MAN1A1: variants seen among roughly 807,000 people sequenced by gnomAD.
MAN1A1 encodes the protein mannosidase alpha class 1A member 1.
A neutral mutation model predicts 70.8 loss-of-function variants in MAN1A1; 29 were observed. The observed-to-expected ratio is 0.41, with a 90% CI of 0.31 to 0.56. The LOEUF is 0.56. Among genes scored for constraint, MAN1A1 ranks in the 20% least tolerant of loss-of-function variants. The pLI, the probability that MAN1A1 is intolerant of heterozygous loss-of-function variation, is 0.29. For missense variants in MAN1A1, 747 were observed against 841.3 expected (o/e 0.89, Z 1.39); for synonymous variants, 349 against 330.1 (o/e 1.06, Z -0.62).
rs748688045 is a variant in MAN1A1 at position 119,290,713 on chromosome 6, T to G, written c.867A>C (p.Leu289=). ...FEVNIRFVGG[L]LSAYYLSGEE... ...CTCCAGACAGATAGTAGGCTGAGAG[T>G]AGTCCACCAACAAAGCGTATATTTA... The change falls in exon 5 of 13, where the codon CTA becomes CTC. Residue 289 remains leucine (L), a synonymous_variant. Transcript: ENST00000368468. 1.2e-6 allele frequency: 2 copies of G among 1,611,094 alleles called. No individual in the cohort carries two copies. The highest frequency in any genetic ancestry group is 1.7e-6 in the Non-Finnish European group (2 of 1,178,226).
chr6:119,183,654 A>ACTG (rs1429559437), intron 11 of MAN1A1, among the ~76,000 whole-genome samples: 1 of 152,172 alleles, frequency 6.6e-6, no homozygotes, highest in Non-Finnish European at 1.5e-5. Context: ...CTCCATGGAA[A>ACTG]CTGCTCTAAG....
In MAN1A1 at chr6:119,222,326, A is replaced by ATT. The variant is rs35446116; in HGVS notation, c.993-17446_993-17445dup. 1.4e-3 allele frequency among the ~76,000 whole-genome samples: 166 copies of ATT among 115,296 alleles called. 3 individuals are homozygous for ATT. The highest frequency in any genetic ancestry group is 2.4e-3 in the Non-Finnish European group (133 of 54,752). The allele number at this position is 115,296 out of a possible 152,430, so 75.6% of individuals were successfully genotyped here. A position where few individuals can be genotyped will look rare whatever the true frequency, so the allele number is the denominator to read the frequency against. On this transcript the variant is annotated intron_variant, in intron 6 of 12. Coordinates refer to ENST00000368468, the MANE Select transcript of MAN1A1 (RefSeq NM_005907.4). ...ATCTTTCATCTTTTTTTTTTTAAGG[A>ATT]TTTTTTTTTTTTTTTTTTGAGACAG...
At chr6:119,230,416 T>A (rs1385844307) in intron 6 of MAN1A1, among the ~76,000 whole-genome samples, 1 of 152,200 alleles carries the variant, frequency 6.6e-6, no homozygotes, top group Non-Finnish European at 1.5e-5. Flanking sequence ...TCCAGCCTGC[T>A]GCTCTCTGCC....
intron 5 of MAN1A1, among the ~76,000 whole-genome samples, chr6:119,268,447 A>G (rs1269279373): frequency 6.6e-6 from 1 of 151,226 alleles, no homozygotes; most frequent in East Asian, 1.9e-4. Flanking sequence ...TTTTTTTTCC[A>G]CATTATCACA....
chr6:119,342,511 A>C (rs1213251232), intron 2 of MAN1A1, among the ~76,000 whole-genome samples: 1 of 152,218 alleles, frequency 6.6e-6, no homozygotes, highest in East Asian at 1.9e-4. Flanking sequence ...ACAAATGAGG[A>C]AACTAAAGTT....
intron 2 of MAN1A1, among the ~76,000 whole-genome samples, chr6:119,332,388 A>C (rs548016184): frequency 1.1e-4 from 16 of 152,364 alleles, no homozygotes; most frequent in Non-Finnish European, 2.2e-4. Flanking sequence ...GAGAAGCTGC[A>C]CTTTTTATTA....
chr6:119,323,695 G>A (rs979056242), intron 2 of MAN1A1, among the ~76,000 whole-genome samples: 2 of 152,162 alleles, frequency 1.3e-5, no homozygotes, highest in Admixed American at 1.3e-4. Flanking sequence ...ATGATTAAGT[G>A]ACCTATCATC....
intron 5 of MAN1A1, among the ~76,000 whole-genome samples, chr6:119,286,589 A>C (rs549121631): frequency 2.0e-3 from 301 of 152,264 alleles, no homozygotes; most frequent in Non-Finnish European, 3.2e-3. Context: ...TATCATAGTA[A>C]ACTCATCTAC....
intron 7 of MAN1A1, among the ~76,000 whole-genome samples, 188 bp from the exon 8 acceptor site, chr6:119,201,535 T>C (rs964677860): frequency 4.6e-5 from 7 of 152,160 alleles, no homozygotes; most frequent in Admixed American, 4.6e-4. Flanking sequence ...TATCTACCAT[T>C]AGCCAGATGC....
intron 4 of MAN1A1, among the ~76,000 whole-genome samples, chr6:119,297,735 C>CTTTTTTTT (rs386408421): frequency 1.0e-5 from 1 of 95,686 alleles, no homozygotes; most frequent in Non-Finnish European, 2.0e-5. Flanking sequence ...AAATAGTTTC[C>CTTTTTTTT]TTTTTTTTTT....
intron 6 of MAN1A1, among the ~76,000 whole-genome samples, chr6:119,234,106 T>C (rs1656266650): frequency 6.6e-6 from 1 of 152,148 alleles, no homozygotes; most frequent in African/African-American, 2.4e-5. Context: ...CCAGATAATT[T>C]GAAAAGAAGA....
chr6:119,213,313 T>A (rs982318263), intron 6 of MAN1A1, among the ~76,000 whole-genome samples: 1 of 152,228 alleles, frequency 6.6e-6, no homozygotes, highest in Non-Finnish European at 1.5e-5. Context: ...ACTACTTCAT[T>A]CTCATTTTCC....
intron 3 of MAN1A1, among the ~76,000 whole-genome samples, chr6:119,305,090 T>G (rs1269532946): frequency 6.6e-6 from 1 of 152,194 alleles, no homozygotes; most frequent in African/African-American, 2.4e-5. Flanking sequence ...TATTAATATT[T>G]CATTTCCTTA....
chr6:119,325,800 T>A (rs1156782839), intron 2 of MAN1A1, among the ~76,000 whole-genome samples: 1 of 152,180 alleles, frequency 6.6e-6, no homozygotes, highest in Non-Finnish European at 1.5e-5. Flanking sequence ...AAAAATGGAA[T>A]ATTCTTCCTA....
intron 5 of MAN1A1, among the ~76,000 whole-genome samples, chr6:119,278,658 GC>G (rs571568182): frequency 1.3e-5 from 2 of 151,364 alleles, no homozygotes; most frequent in East Asian, 1.9e-4. Flanking sequence ...CTTGAAATGT[GC>G]CCCCCCCAGT....
chr6:119,337,853 GA>G (rs1478021549), intron 2 of MAN1A1, among the ~76,000 whole-genome samples: 1 of 152,138 alleles, frequency 6.6e-6, no homozygotes, highest in Non-Finnish European at 1.5e-5. Flanking sequence ...TGCTTAATAT[GA>G]GTGAATGTAT....
At position 119,303,927 on chromosome 6, in the gene MAN1A1, T is replaced by A. The variant is rs560703726; in HGVS notation, c.701-1824A>T. ...CTCCTAGCTTTGGAAATAAAAGTCA[T>A]TTTCCTTTCACTGAACTTCATCCTT... On this transcript the variant is annotated intron_variant, in intron 3 of 12. Coordinates refer to ENST00000368468, the MANE Select transcript of MAN1A1 (RefSeq NM_005907.4). 5.3e-5 allele frequency among the ~76,000 whole-genome samples: 8 copies of A among 152,316 alleles called. No individual in the cohort carries two copies. The East Asian group carries it at 1.5e-3, about 29-fold the overall frequency.
At chr6:119,182,494 A>T (rs1582673144) in intron 11 of MAN1A1, among the ~76,000 whole-genome samples, 1 of 149,064 alleles carries the variant, frequency 6.7e-6, no homozygotes, top group Non-Finnish European at 1.5e-5. Context: ...CAGGTCTTAC[A>T]TTTAAGTCTT....
chr6:119,283,178 C>T (rs1776266427), intron 5 of MAN1A1, among the ~76,000 whole-genome samples: 2 of 152,320 alleles, frequency 1.3e-5, no homozygotes, highest in African/African-American at 4.8e-5. Context: ...TTGTCCATCA[C>T]CTTACTACAT....
Sources: allele counts gnomAD v4.1 joint callset (sites outside exome capture counted in the v4.1 genomes callset), GRCh38; gene constraint gnomAD v4.1.1; transcripts MANE v1.5; gene names NCBI Gene and HGNC (gene_info 2026-07-23, HGNC 2026-07-21).